The following TMEM74 variants were observed in gnomAD, a reference collection of about 807,000 sequenced individuals.
The protein encoded by TMEM74 is transmembrane protein 74.
In TMEM74, 13 loss-of-function variants were observed where a neutral mutation model predicts 18.1. The ratio of observed to expected loss-of-function variants is 0.72; its 90% CI spans 0.47 to 1.14. The LOEUF is 1.14. TMEM74 is among the 50% of genes most tolerant of loss of function. The pLI, the probability that TMEM74 is intolerant of heterozygous loss-of-function variation, is 0.00. For missense variants in TMEM74, 372 were observed against 375.9 expected (o/e 0.99, Z 0.09); for synonymous variants, 159 against 146.6 (o/e 1.08, Z -0.61).
intron 1 of TMEM74, among the ~76,000 whole-genome samples, chr8:108,731,226 C>T (rs189568764): frequency 6.6e-6 from 1 of 151,638 alleles, no homozygotes; most frequent in Non-Finnish European, 1.5e-5. Flanking sequence ...CCACCACCGC[C>T]CCCCATCCCC....
chr8:108,738,874 C>CT (rs1813772788), intron 1 of TMEM74, among the ~76,000 whole-genome samples: 1 of 152,168 alleles, frequency 6.6e-6, no homozygotes, highest in African/African-American at 2.4e-5. Context: ...GTCACATAAT[C>CT]TAGCCATTAT....
intron 1 of TMEM74, among the ~76,000 whole-genome samples, chr8:108,741,366 A>G (rs756966455): frequency 3.9e-5 from 6 of 152,204 alleles, no homozygotes; most frequent in Non-Finnish European, 8.8e-5. Context: ...ATTCTTTTGT[A>G]TGTATAAAGC....
intron 1 of TMEM74, among the ~76,000 whole-genome samples, chr8:108,739,447 G>A (rs1254328315): frequency 6.6e-6 from 1 of 152,176 alleles, no homozygotes; most frequent in Non-Finnish European, 1.5e-5. Context: ...AAAGTGGTAG[G>A]ACAGTTCAGA....
At chr8:108,755,611 C>T (rs1367539818) in intron 1 of TMEM74, among the ~76,000 whole-genome samples, 1 of 152,038 alleles carries the variant, frequency 6.6e-6, no homozygotes, top group Non-Finnish European at 1.5e-5. Context: ...TAAAATAACT[C>T]ATCCAAATCA....
At chr8:108,680,329 G>A (rs1473337965) in intron 1 of TMEM74, among the ~76,000 whole-genome samples, 2 of 152,128 alleles carry the variant, frequency 1.3e-5, no homozygotes, top group African/African-American at 4.8e-5. Context: ...TGATCAAGTG[G>A]GCTTCATCCC....
chr8:108,728,027 T>G (rs963485087), intron 1 of TMEM74, among the ~76,000 whole-genome samples: 3 of 152,174 alleles, frequency 2.0e-5, no homozygotes, highest in Admixed American at 6.5e-5. Flanking sequence ...ACTAGGAACC[T>G]AGATGAGTGC....
chr8:108,758,013 AC>A (rs1318584343), intron 1 of TMEM74, among the ~76,000 whole-genome samples: 9 of 151,994 alleles, frequency 5.9e-5, no homozygotes, highest in Non-Finnish European at 1.3e-4. Context: ...AAGGCAGAAC[AC>A]CTTTCAGACA....
In TMEM74 at chr8:108,705,610, T is replaced by G. The variant is rs1334034238; in HGVS notation, n.120-50173A>C. The stretch of plus-strand genomic sequence containing the variant: ...TCCTTAGTTGTGTCTCTTTCTGTAA[T>G]GAATAACCTCCTCAAGCAGATGTAG... On this transcript the variant is annotated intron_variant and non_coding_transcript_variant, in intron 1 of 3. Transcript: ENST00000518838. 6.6e-5 allele frequency among the ~76,000 whole-genome samples: 10 copies of G among 152,236 alleles called. No individual in the cohort carries two copies. In the East Asian group the frequency reaches 1.9e-3, roughly 30 times the overall value.
intron 1 of TMEM74, among the ~76,000 whole-genome samples, chr8:108,676,112 T>G (rs1306835941): frequency 1.3e-5 from 2 of 152,128 alleles, no homozygotes; most frequent in Non-Finnish European, 2.9e-5. Context: ...GAGTATTTAT[T>G]GTAAAGGAGT....
At chr8:108,729,909 A>C (rs576946118) in intron 1 of TMEM74, among the ~76,000 whole-genome samples, 1 of 152,356 alleles carries the variant, frequency 6.6e-6, no homozygotes, top group Non-Finnish European at 1.5e-5. Flanking sequence ...AGTGAACATT[A>C]GTGGACAAAT....
intron 1 of TMEM74, among the ~76,000 whole-genome samples, chr8:108,756,604 A>AAAG (rs1563543631): frequency 2.7e-4 from 11 of 40,328 alleles, no homozygotes; most frequent in African/African-American, 1.3e-3. Flanking sequence ...AAGAGAAAGG[A>AAAG]AGGAAGGAAG....
intron 2 of TMEM74, among the ~76,000 whole-genome samples, chr8:108,625,944 A>G (rs980353874): frequency 5.3e-5 from 8 of 152,070 alleles, no homozygotes; most frequent in Non-Finnish European, 8.8e-5. Flanking sequence ...AACTTTATGT[A>G]TACTCCAAAT....
chr8:108,625,303 AT>A (rs1369803152), intron 2 of TMEM74, among the ~76,000 whole-genome samples: 1 of 152,044 alleles, frequency 6.6e-6, no homozygotes, highest in African/African-American at 2.4e-5. Context: ...TCAATTCTGC[AT>A]TTTTTTGAAA....
chr8:108,659,056 A>T (rs1812874625), intron 1 of TMEM74, among the ~76,000 whole-genome samples: 1 of 152,188 alleles, frequency 6.6e-6, no homozygotes, highest in Non-Finnish European at 1.5e-5. Flanking sequence ...GAGACTTGGT[A>T]GAAATAGCCA....
In TMEM74 at chr8:108,782,097, C is replaced by T. The variant is rs1340608530; in HGVS notation, c.*2084G>A. On this transcript the variant is annotated 3_prime_UTR_variant, in exon 2 of 2. Transcript: ENST00000297459. ...AATGCCTTCTTTTTTTTAATGCCTTCTTTTTTTAACACACAGCTCAGACCT... is the reference window on the plus strand; with the variant it reads ...AATGCCTTCTTTTTTTTAATGCCTTTTTTTTTTAACACACAGCTCAGACCT... 1.3e-5 allele frequency among the ~76,000 whole-genome samples: 2 copies of T among 152,002 alleles called. No homozygotes were observed. The highest frequency in any genetic ancestry group is 2.4e-5 in the African/African-American group (1 of 41,350).
intron 1 of TMEM74, among the ~76,000 whole-genome samples, chr8:108,673,100 A>G (rs1813019782): frequency 6.6e-6 from 1 of 152,198 alleles, no homozygotes; most frequent in Non-Finnish European, 1.5e-5. Flanking sequence ...TTCTAAGAAA[A>G]TTGGATCCAC....
chr8:108,689,022 A>G (rs748456742), intron 1 of TMEM74, among the ~76,000 whole-genome samples: 1 of 152,198 alleles, frequency 6.6e-6, no homozygotes, highest in Non-Finnish European at 1.5e-5. Flanking sequence ...GCATTAAGCT[A>G]CTAAAGCTCC....
At position 108,782,903 on chromosome 8, in the gene TMEM74, C is replaced by A. The variant is rs770171639; in HGVS notation, c.*1278G>T. Among the ~76,000 whole-genome samples, 1 of 152,144 alleles carries A rather than the reference C, an allele frequency of 6.6e-6. No individual in the cohort carries two copies. The highest frequency in any genetic ancestry group is 1.9e-4 in the East Asian group (1 of 5,186). On this transcript the variant is annotated 3_prime_UTR_variant, in exon 2 of 2. Coordinates refer to ENST00000297459, the MANE Select transcript of TMEM74 (RefSeq NM_153015.3). ...TTTCTGAACCGTCACCATAATGAGG[C>A]GGTCTGTCACTGTGAACACCCAGTG... is the stretch of plus-strand genomic sequence containing the variant.
At chr8:108,716,249 T>A (rs1313935732) in intron 1 of TMEM74, among the ~76,000 whole-genome samples, 1 of 152,060 alleles carries the variant, frequency 6.6e-6, no homozygotes, top group Non-Finnish European at 1.5e-5. Context: ...AATCAAAATA[T>A]GCAATATGTT....
Sources: gnomAD v4.1 joint callset for allele counts (sites outside exome capture counted in the v4.1 genomes callset) on GRCh38, gnomAD v4.1.1 for gene constraint, MANE v1.5 for transcripts, NCBI Gene and HGNC (gene_info 2026-07-23, HGNC 2026-07-21) for gene names.